CCDC7: variants seen among roughly 807,000 people sequenced by gnomAD.
CCDC7 encodes coiled-coil domain containing 7, also known as coiled-coil domain-containing protein 7.
In CCDC7, 183 loss-of-function variants were observed where a neutral mutation model predicts 196.9. That is an observed-to-expected ratio of 0.93 (90% CI 0.82 to 1.05). The LOEUF is 1.05. CCDC7 is among the 50% of genes least tolerant of loss of function. CCDC7 has a pLI of 0.00. For missense variants in CCDC7, 1,540 were observed against 1,482.2 expected, an observed-to-expected ratio of 1.04 and a Z score of -0.64; for synonymous variants, 525 against 484.6, an observed-to-expected ratio of 1.08 and a Z score of -1.10.
intron 21 of CCDC7, among the ~76,000 whole-genome samples, chr10:32,676,808 G>A (rs986372793): frequency 1.3e-5 from 2 of 152,162 alleles, no homozygotes; most frequent in Non-Finnish European, 2.9e-5. Flanking sequence ...GGAAGGCAGT[G>A]TGGCGATTCC....
intron 2 of CCDC7, 45 bp downstream of exon 3, chr10:32,453,481 G>A: frequency 7.8e-7 from 1 of 1,276,304 alleles, no homozygotes; most frequent in Admixed American, 2.9e-5. Flanking sequence ...CACTGAAAAG[G>A]GTCGATTTTC....
chr10:32,511,197 A>C (rs2046058689), intron 9 of CCDC7: 5 of 614,826 alleles, frequency 8.1e-6, no homozygotes, highest in Non-Finnish European at 1.4e-5. Flanking sequence ...ATTTACTGTG[A>C]ATTTACATAT....
At chr10:32,686,104 C>A in intron 22 of CCDC7, 24 bp downstream of exon 23, 1 of 1,136,646 alleles carries the variant, frequency 8.8e-7, no homozygotes, top group South Asian at 1.5e-5. Context: ...TTACACATAA[C>A]TTTACATTAT....
intron 9 of CCDC7, among the ~76,000 whole-genome samples, chr10:32,504,444 A>G (rs2044570832): frequency 6.6e-6 from 1 of 151,982 alleles, no homozygotes; most frequent in Admixed American, 6.6e-5. Flanking sequence ...TCTTCCTTCT[A>G]TGAACTATTG....
intron 18 of CCDC7, among the ~76,000 whole-genome samples, chr10:32,597,390 T>A (rs2138150544): frequency 1.3e-5 from 2 of 152,338 alleles, no homozygotes; most frequent in Middle Eastern, 6.8e-3. Context: ...TAAGGACTTC[T>A]CTACACTGTT....
intron 7 of CCDC7, among the ~76,000 whole-genome samples, chr10:32,473,360 T>G (rs2038338709): frequency 6.6e-6 from 1 of 152,170 alleles, no homozygotes; most frequent in Admixed American, 6.5e-5. Context: ...GAATTACAAC[T>G]GGATTGGTAT....
intron 24 of CCDC7, among the ~76,000 whole-genome samples, chr10:32,699,091 A>G (rs2078201763): frequency 6.6e-6 from 1 of 152,052 alleles, no homozygotes; most frequent in Admixed American, 6.6e-5. Context: ...TTTAGGGTAC[A>G]TGTGTACAAC....
At chr10:32,752,472 G>A (rs894073464) in intron 28 of CCDC7, among the ~76,000 whole-genome samples, 3 of 152,046 alleles carry the variant, frequency 2.0e-5, no homozygotes, top group African/African-American at 2.4e-5. Context: ...ACCATCTCTA[G>A]TCCCACGTAT....
chr10:32,499,266 T>C (rs2043462403), intron 9 of CCDC7: 1 of 152,218 alleles, frequency 6.6e-6, no homozygotes. Context: ...TTTCTCCATT[T>C]ATACATAGGG....
Position 32,462,682 on chromosome 10 carries a change from G to T in CCDC7, c.457-1G>T. The T allele has an allele frequency of 6.9e-7, 1 of 1,444,514 alleles. No homozygotes were observed. Among genetic ancestry groups the T allele is most frequent in the Non-Finnish European group, 9.4e-7 (1 of 1,060,176 alleles). 89.5% of individuals were successfully genotyped at this position (1,444,514 alleles called of 1,614,324 possible). On this transcript the variant is annotated splice_acceptor_variant, in intron 3 of 41. Coordinates refer to ENST00000639629, the Ensembl canonical transcript of CCDC7. LOFTEE classifies it high-confidence loss of function. ...GTGTTAATTAAAACTTTATTTTTCA[G>T]ATTTTGGAATCTCTTTTTAAGGTAC... is the stretch of plus-strand genomic sequence containing the variant.
At chr10:32,748,170 A>G (rs549034764) in intron 28 of CCDC7, among the ~76,000 whole-genome samples, 1 of 152,318 alleles carries the variant, frequency 6.6e-6, no homozygotes, top group African/African-American at 2.4e-5. Flanking sequence ...TTGAGCTCAC[A>G]TGAACACAAA....
chr10:32,447,399 G>A (rs1183074990), upstream of CCDC7, among the ~76,000 whole-genome samples: 4 of 151,992 alleles, frequency 2.6e-5, no homozygotes, highest in Non-Finnish European at 5.9e-5. Flanking sequence ...CTCTTCTTAC[G>A]TCCTGTTTCC....
At chr10:32,687,818 G>A (rs1448564673) in intron 22 of CCDC7, among the ~76,000 whole-genome samples, 1 of 152,154 alleles carries the variant, frequency 6.6e-6, no homozygotes, top group African/African-American at 2.4e-5. Context: ...ACTGTGATGG[G>A]TAGAGGAAAT....
intron 24 of CCDC7, 24 bp downstream of exon 25, chr10:32,695,016 C>A: frequency 7.6e-7 from 1 of 1,311,218 alleles, no homozygotes; most frequent in African/African-American, 1.5e-5. Flanking sequence ...TTATAGATAA[C>A]TTAAAAATTT....
At chr10:32,641,692 T>C (rs923400622) in intron 20 of CCDC7, among the ~76,000 whole-genome samples, 3 of 152,248 alleles carry the variant, frequency 2.0e-5, no homozygotes, top group African/African-American at 7.2e-5. Flanking sequence ...CCGTTGCTGG[T>C]GAGGAGCTGC....
chr10:32,619,547 A>C (rs1282681644), intron 18 of CCDC7, among the ~76,000 whole-genome samples: 1 of 152,204 alleles, frequency 6.6e-6, no homozygotes, highest in East Asian at 1.9e-4. Context: ...CATATATGTT[A>C]AAGGCAAGAA....
At chr10:32,479,396 T>G (rs1351563778) in intron 8 of CCDC7, among the ~76,000 whole-genome samples, 1 of 152,172 alleles carries the variant, frequency 6.6e-6, no homozygotes, top group Non-Finnish European at 1.5e-5. Context: ...TCCTTCTGTA[T>G]CTAATTTATT....
chr10:32,672,450 A>G (rs1358095676), intron 21 of CCDC7, among the ~76,000 whole-genome samples: 1 of 152,174 alleles, frequency 6.6e-6, no homozygotes. Flanking sequence ...CAGGTCTGGA[A>G]TGTGGTTACT....
intron 29 of CCDC7, among the ~76,000 whole-genome samples, chr10:32,802,042 G>A (rs1338799892): frequency 1.3e-5 from 2 of 152,142 alleles, no homozygotes; most frequent in Non-Finnish European, 2.9e-5. Context: ...TTTTGTTGCA[G>A]GTCAGCCACT....
Sources: gnomAD v4.1 joint callset for allele counts (sites outside exome capture counted in the v4.1 genomes callset) on GRCh38, gnomAD v4.1.1 for gene constraint, MANE v1.5 for transcripts, NCBI Gene and HGNC (gene_info 2026-07-23, HGNC 2026-07-21) for gene names.